The following STAU2 variants were observed in gnomAD, a reference collection of about 807,000 sequenced individuals.
STAU2 encodes staufen double-stranded RNA binding protein 2.
A neutral mutation model predicts 65.9 loss-of-function variants in STAU2; 20 were observed. That is an observed-to-expected ratio of 0.30 (90% CI 0.21 to 0.44). STAU2 has a LOEUF of 0.44. STAU2 is among the 20% of genes least tolerant of loss of function. STAU2 has a pLI of 1.00. For missense variants in STAU2, 558 were observed against 683.9 expected, an observed-to-expected ratio of 0.82 and a Z score of 2.05; for synonymous variants, 232 against 233.9, an observed-to-expected ratio of 0.99 and a Z score of 0.07.
At chr8:73,593,341 T>C (rs1810958290) in intron 11 of STAU2, among the ~76,000 whole-genome samples, 1 of 152,234 alleles carries the variant, frequency 6.6e-6, no homozygotes, top group South Asian at 2.1e-4. Flanking sequence ...CTTCGCATAA[T>C]AACAGTGACC....
intron 13 of STAU2, among the ~76,000 whole-genome samples, chr8:73,444,633 A>C (rs891622290): frequency 1.3e-5 from 2 of 152,166 alleles, no homozygotes; most frequent in African/African-American, 4.8e-5. Context: ...GTAAATTGTA[A>C]GTTCCTAGAA....
At chr8:73,481,516 C>CAAAAAAAAAAAAAAAAAAAA (rs33917654) in intron 13 of STAU2, among the ~76,000 whole-genome samples, 1 of 137,592 alleles carries the variant, frequency 7.3e-6, no homozygotes. Flanking sequence ...AACAAAAAAA[C>CAAAAAAAAAAAAAAAAAAAA]AAAAAAAAAA....
chr8:73,540,733 C>T (rs529415168), intron 13 of STAU2, among the ~76,000 whole-genome samples: 134 of 152,170 alleles, frequency 8.8e-4, no homozygotes, highest in Non-Finnish European at 1.7e-3. Context: ...TTTGAAGACA[C>T]TAGAATGTTA....
chr8:73,738,043 CAAG>C (rs374182634), intron 3 of STAU2, among the ~76,000 whole-genome samples: 154 of 152,234 alleles, frequency 1.0e-3, no homozygotes, highest in African/African-American at 3.6e-3. Context: ...GATGTGACAT[CAAG>C]AAGAACAGAC....
intron 13 of STAU2, among the ~76,000 whole-genome samples, chr8:73,467,314 C>T (rs866839245): frequency 2.0e-5 from 3 of 152,222 alleles, no homozygotes; most frequent in African/African-American, 7.2e-5. Context: ...AGGTGGATCA[C>T]GAGGTTAGAA....
intron 6 of STAU2, among the ~76,000 whole-genome samples, chr8:73,637,477 TAAAAAAA>T (rs60833468): frequency 1.8e-5 from 1 of 57,088 alleles, no homozygotes; most frequent in Admixed American, 2.9e-4. Context: ...GTGCTGAAAG[TAAAAAAA>T]AAAAAAAAAA....
chr8:73,597,763 C>A (rs1177850179), intron 10 of STAU2, among the ~76,000 whole-genome samples: 1 of 147,026 alleles, frequency 6.8e-6, no homozygotes, highest in Non-Finnish European at 1.5e-5. Context: ...AATTCCTAGA[C>A]AATACAGATT....
intron 11 of STAU2, among the ~76,000 whole-genome samples, chr8:73,583,115 T>G (rs1019722863): frequency 6.6e-6 from 1 of 152,104 alleles, no homozygotes; most frequent in Non-Finnish European, 1.5e-5. Context: ...ATTATTAGAA[T>G]GTAAGCTCTA....
chr8:73,727,401 G>A (rs1309079023), intron 3 of STAU2, among the ~76,000 whole-genome samples: 1 of 152,070 alleles, frequency 6.6e-6, no homozygotes, highest in Non-Finnish European at 1.5e-5. Flanking sequence ...CCAGGCCCTG[G>A]CAAGCAACAA....
At chr8:73,724,677 A>G (rs72661805) in intron 3 of STAU2, among the ~76,000 whole-genome samples, 6,731 of 113,338 alleles carry the variant, frequency 0.059, 181 homozygotes, top group African/African-American at 0.14. Flanking sequence ...GTGTGTGTGT[A>G]TATATATATA....
chr8:73,484,799 C>G (rs1820825326), intron 13 of STAU2, among the ~76,000 whole-genome samples: 1 of 152,074 alleles, frequency 6.6e-6, no homozygotes. Context: ...CCATGGCAAT[C>G]ACAAACTCAG....
At position 73,650,269 on chromosome 8, in the gene STAU2, T is replaced by C. The variant is rs145176636; in HGVS notation, c.410+22838A>G. ...AAACCTTGGAAATCATTTAAATTTT[T>C]TTTAAGTATAAATTATGACCCATTA... is the stretch of plus-strand genomic sequence containing the variant. On this transcript the variant is annotated intron_variant, in intron 6 of 14. Coordinates refer to ENST00000524300, the MANE Select transcript of STAU2 (RefSeq NM_001164380.2). 8.6e-3 allele frequency among the ~76,000 whole-genome samples: 1,305 copies of C among 152,244 alleles called. 11 individuals are homozygous for C. Among genetic ancestry groups the C allele is most frequent in the Middle Eastern group, 0.048 (14 of 292 alleles).
At chr8:73,605,028 A>G (rs1392468389) in intron 9 of STAU2, among the ~76,000 whole-genome samples, 7 of 152,204 alleles carry the variant, frequency 4.6e-5, no homozygotes, top group African/African-American at 1.7e-4. Context: ...ATAAAAGAAC[A>G]GATAAATTAC....
At chr8:73,671,649 A>C (rs7821768) in intron 6 of STAU2, among the ~76,000 whole-genome samples, 3 of 152,146 alleles carry the variant, frequency 2.0e-5, no homozygotes, top group Non-Finnish European at 4.4e-5. Flanking sequence ...AACAAAAAAG[A>C]GGGCATAAAC....
intron 12 of STAU2, among the ~76,000 whole-genome samples, chr8:73,566,216 G>A (rs1482486993): frequency 6.6e-6 from 1 of 152,098 alleles, no homozygotes; most frequent in Non-Finnish European, 1.5e-5. Context: ...TGGAATAAAA[G>A]AACACACTTG....
At chr8:73,455,744 A>G (rs1443045813) in intron 13 of STAU2, among the ~76,000 whole-genome samples, 1 of 152,180 alleles carries the variant, frequency 6.6e-6, no homozygotes. Context: ...CTTTGCCCAT[A>G]TATCTGTTAT....
intron 13 of STAU2, among the ~76,000 whole-genome samples, chr8:73,470,753 A>G (rs1262747761): frequency 4.6e-5 from 7 of 152,206 alleles, no homozygotes; most frequent in African/African-American, 1.7e-4. Context: ...GCAATGAGCT[A>G]TGATTGCACC....
chr8:73,592,816 A>G (rs1810920390), intron 11 of STAU2, among the ~76,000 whole-genome samples: 1 of 152,096 alleles, frequency 6.6e-6, no homozygotes, highest in Non-Finnish European at 1.5e-5. Context: ...CCAAGATCGC[A>G]CCACTGCACT....
chr8:73,442,774 C>T (rs569268324), intron 13 of STAU2, among the ~76,000 whole-genome samples: 9 of 152,316 alleles, frequency 5.9e-5, no homozygotes, highest in Non-Finnish European at 1.3e-4. Flanking sequence ...CCTAATCCAT[C>T]TTAAGTTGCG....
Sources: allele counts gnomAD v4.1 joint callset (sites outside exome capture counted in the v4.1 genomes callset), GRCh38; gene constraint gnomAD v4.1.1; transcripts MANE v1.5; gene names NCBI Gene and HGNC (gene_info 2026-07-23, HGNC 2026-07-21).